DNAI2: variants seen among roughly 807,000 people sequenced by gnomAD.
DNAI2 encodes the protein dynein, axonemal, intermediate polypeptide 2.
In DNAI2, 63 loss-of-function variants were observed where a neutral mutation model predicts 74.7. That is an observed-to-expected ratio of 0.84 (90% CI 0.69 to 1.04). DNAI2 has a LOEUF of 1.04. Among genes scored for constraint, DNAI2 ranks in the 50% least tolerant of loss-of-function variants. The pLI is 0.00. For synonymous variants in DNAI2, 289 were observed against 314.9 expected (o/e 0.92, Z 0.87); for missense variants, 688 against 803.2 (o/e 0.86, Z 1.73).
At chr17:74,310,279 G>A (rs1487669004) in intron 11 of DNAI2, 116 bp downstream of exon 11, 30 of 1,418,640 alleles carry the variant, frequency 2.1e-5, no homozygotes, top group Non-Finnish European at 2.8e-5. Context: ...GAACATAGGT[G>A]CACATTTTGG....
Position 74,291,030 on chromosome 17 carries a change from C to T in DNAI2, c.621C>T (p.Asn207=), listed in dbSNP as rs2052059556. 5.0e-6 allele frequency: 8 copies of T among 1,614,172 alleles called. No homozygotes were observed. The highest frequency in any genetic ancestry group is 6.8e-6 in the Non-Finnish European group (8 of 1,180,014). The stretch of plus-strand genomic sequence containing the variant: ...TTTTGTGCTTTATAGAAAACCCCAA[C>T]AAGCCTGAACTTGCTCTGAAGCCAT... ...DSYIWDLENP[N]KPELALKPSS... Residue 207 remains asparagine, a synonymous_variant, in exon 6 of 14, where the codon AAC becomes AAT. Transcript: ENST00000311014.
At position 74,312,314 on chromosome 17, in the gene DNAI2, C is replaced by T. The variant is rs369262819; in HGVS notation, c.1722+84C>T. 26 of 1,121,464 alleles carry T rather than the reference C, an allele frequency of 2.3e-5. No homozygotes were observed. The East Asian group carries it at 6.5e-4, about 28-fold the overall frequency. 69.5% of individuals were successfully genotyped at this position (1,121,464 alleles called of 1,614,324 possible). The stretch of plus-strand genomic sequence containing the variant: ...GGTTCTGCTTCTGCTTGCCGACTTC[C>T]TGGGTGACCTTGAGCAAGTAGTCTT... On this transcript the variant is annotated intron_variant, in intron 12 of 13. Coordinates refer to ENST00000311014, the MANE Select transcript of DNAI2 (RefSeq NM_023036.6).
intron 6 of DNAI2, among the ~76,000 whole-genome samples, chr17:74,294,975 A>T (rs1268637155): frequency 6.6e-6 from 1 of 152,002 alleles, no homozygotes; most frequent in East Asian, 1.9e-4. Flanking sequence ...CATAATCTCA[A>T]TTGACCCATC....
chr17:74,278,248 A>G (rs1220325425), intron 1 of DNAI2, among the ~76,000 whole-genome samples: 1 of 150,224 alleles, frequency 6.7e-6, no homozygotes, highest in Non-Finnish European at 1.5e-5. Context: ...TGGGCAACAT[A>G]GTGAGACCCT....
chr17:74,297,850 A>G (rs1791400866), intron 6 of DNAI2, among the ~76,000 whole-genome samples: 1 of 150,018 alleles, frequency 6.7e-6, no homozygotes, highest in South Asian at 2.1e-4. Context: ...AGCATTCCCC[A>G]CTCCTCTCTG....
At chr17:74,310,776 A>G (rs1040472116) in intron 11 of DNAI2, among the ~76,000 whole-genome samples, 3 of 152,034 alleles carry the variant, frequency 2.0e-5, no homozygotes, top group African/African-American at 2.4e-5. Context: ...TGACCTTAAG[A>G]TGATCTGCCC....
rs80197728 is a variant in DNAI2, at chr17:74,280,400, G to A, written c.-11-1407G>A. Among the ~76,000 whole-genome samples, 574 of 152,300 alleles carry A rather than the reference G, an allele frequency of 3.8e-3. 2 individuals carry two copies. The highest frequency in any genetic ancestry group is 0.013 in the East Asian group (68 of 5,188). ...AGGCCCAGAACTTGAAATCAGGGCCGAGCCCAGCCCACTTCCCAATTCCCT... is the reference window on the plus strand; with the variant it reads ...AGGCCCAGAACTTGAAATCAGGGCCAAGCCCAGCCCACTTCCCAATTCCCT... On this transcript the variant is annotated intron_variant, in intron 1 of 13. Transcript: ENST00000311014.
intron 8 of DNAI2, among the ~76,000 whole-genome samples, chr17:74,301,942 G>A (rs1173488566): frequency 6.1e-5 from 1 of 16,494 alleles, no homozygotes; most frequent in Non-Finnish European, 1.5e-4. Flanking sequence ...AAGGAAGGAA[G>A]GAAGGAAGGA....
chr17:74,294,873 C>T (rs2052340906), intron 6 of DNAI2, among the ~76,000 whole-genome samples: 1 of 152,016 alleles, frequency 6.6e-6, no homozygotes, highest in Non-Finnish European at 1.5e-5. Flanking sequence ...TCTGTGACTT[C>T]CATTATGTGT....
intron 11 of DNAI2, 126 bp from the exon 12 acceptor site, chr17:74,311,877 T>C: frequency 1.1e-6 from 1 of 910,830 alleles, no homozygotes; most frequent in South Asian, 1.4e-5. Flanking sequence ...GGTACAGACC[T>C]CTACAGTACA....
rs146064729 is a variant in DNAI2 at position 74,306,847 on chromosome 17, A to G, written c.1211+1405A>G. Among the ~76,000 whole-genome samples, 135 of 152,300 alleles carry G rather than the reference A, an allele frequency of 8.9e-4. No individual in the cohort carries two copies. In the East Asian group the frequency reaches 0.014, roughly 16 times the overall value. ...TGGCCAGGCTGGTCTCAAACTCCTG[A>G]CCTCAGGTGATTCGCCTGCCTCAGC... On this transcript the variant is annotated intron_variant, in intron 9 of 13. Transcript: ENST00000311014.
chr17:74,313,874 C>T (rs2053674690), intron 12 of DNAI2: 8 of 531,326 alleles, frequency 1.5e-5, no homozygotes, highest in Admixed American at 6.2e-5. Context: ...AGCCCGAGGC[C>T]TCCCAGTCTG....
At chr17:74,274,678 GA>G (rs1304394823) in intron 1 of DNAI2, among the ~76,000 whole-genome samples, 2 of 151,876 alleles carry the variant, frequency 1.3e-5, no homozygotes, top group Middle Eastern at 6.8e-3. Flanking sequence ...TGAATGGATG[GA>G]AAAAAAAGAA....
chr17:74,292,873 A>G (rs2052203180), intron 6 of DNAI2, among the ~76,000 whole-genome samples: 3 of 148,000 alleles, frequency 2.0e-5, no homozygotes, highest in Admixed American at 6.8e-5. Context: ...TCTTTCGCCC[A>G]GGCTGGAGTG....
At position 74,282,008 on chromosome 17, in the gene DNAI2, C is replaced by A; in HGVS notation, c.183+8C>A. 1 of 1,613,772 alleles carries A rather than the reference C, an allele frequency of 6.2e-7. No individual in the cohort carries two copies. Among genetic ancestry groups the A allele is most frequent in the Non-Finnish European group, 8.5e-7 (1 of 1,179,946 alleles). The stretch of plus-strand genomic sequence containing the variant: ...AGCATGTCGGAACACGAGGTGGGTC[C>A]CTGCCCCAAGGGCCCTGGCCTGTCA... On this transcript the variant is annotated splice_region_variant and intron_variant, in intron 2 of 13. Coordinates refer to ENST00000311014, the MANE Select transcript of DNAI2 (RefSeq NM_023036.6).
intron 1 of DNAI2, among the ~76,000 whole-genome samples, chr17:74,277,989 A>C (rs553772490): frequency 2.0e-5 from 3 of 152,384 alleles, no homozygotes; most frequent in African/African-American, 7.2e-5. Flanking sequence ...TTCAAACAGC[A>C]TTGTGATTTC....
intron 8 of DNAI2, among the ~76,000 whole-genome samples, chr17:74,303,271 C>T (rs1331971816): frequency 6.6e-6 from 1 of 152,136 alleles, no homozygotes; most frequent in Non-Finnish European, 1.5e-5. Context: ...TGTCCACCTG[C>T]AGCCCACCAT....
At chr17:74,310,203 C>T (rs1295396050) in intron 11 of DNAI2, 40 bp downstream of exon 11, 2 of 1,605,098 alleles carry the variant, frequency 1.2e-6, no homozygotes, top group Non-Finnish European at 1.7e-6. Flanking sequence ...TCCAGCACGT[C>T]CCGACCTGGC....
In DNAI2 at chr17:74,312,349, A is replaced by T. The variant is rs2053582436; in HGVS notation, c.1722+119A>T. ...TTGAGCAAGTAGTCTTACCTGCTAG[A>T]TCTTAATTTATTCACCTGGCAAGTG... is the stretch of plus-strand genomic sequence containing the variant. On this transcript the variant is annotated intron_variant, in intron 12 of 13. Coordinates refer to ENST00000311014, the MANE Select transcript of DNAI2 (RefSeq NM_023036.6). The T allele has an allele frequency of 4.1e-6, 3 of 733,514 alleles. No individual in the cohort carries two copies. The South Asian group carries it at 5.4e-5, about 13-fold the overall frequency. 45.4% of individuals were successfully genotyped at this position (733,514 alleles called of 1,614,324 possible).
Sources: gnomAD v4.1 joint callset for allele counts (sites outside exome capture counted in the v4.1 genomes callset) on GRCh38, gnomAD v4.1.1 for gene constraint, MANE v1.5 for transcripts, NCBI Gene and HGNC (gene_info 2026-07-23, HGNC 2026-07-21) for gene names.